The following GTSF1 variants were observed in gnomAD, a reference collection of about 807,000 sequenced individuals.
The protein encoded by GTSF1 is gametocyte specific factor 1.
Under a neutral mutation model 28.9 loss-of-function variants are expected in GTSF1, and 11 were observed. That is an observed-to-expected ratio of 0.38 (90% CI 0.24 to 0.63). The LOEUF is 0.63. GTSF1 is among the 30% of genes least tolerant of loss of function. GTSF1 has a pLI of 0.56. For missense variants in GTSF1, 146 were observed against 201.0 expected, an observed-to-expected ratio of 0.73 and a Z score of 1.66; for synonymous variants, 69 against 65.6, an observed-to-expected ratio of 1.05 and a Z score of -0.25.
intron 5 of GTSF1, among the ~76,000 whole-genome samples, 183 bp from the exon 6 acceptor site, chr12:54,462,355 G>A (rs986679590): frequency 1.3e-5 from 2 of 152,118 alleles, no homozygotes; most frequent in African/African-American, 4.8e-5. Flanking sequence ...ATAAACACAA[G>A]CAACATAAAT....
chr12:54,459,293 G>T, intron 7 of GTSF1, 168 bp from the exon 8 acceptor site: 2 of 1,437,916 alleles, frequency 1.4e-6, no homozygotes, highest in East Asian at 2.6e-5. Context: ...CATGGGAAAA[G>T]AAAATAGACC....
In GTSF1 at chr12:54,471,088, T is replaced by A. The variant is rs59109696; in HGVS notation, c.16+145A>T. On this transcript the variant is annotated intron_variant, in intron 2 of 8. Transcript: ENST00000305879. ...TTTCTTAATTTTCAAGTATCTTATTTCAAATTTGGGCAATACCATAAAGAC... is the reference window on the plus strand; with the variant it reads ...TTTCTTAATTTTCAAGTATCTTATTACAAATTTGGGCAATACCATAAAGAC... 1.6e-3 allele frequency: 776 copies of A among 489,932 alleles called. 11 individuals are homozygous for A. Among genetic ancestry groups the A allele is most frequent in the African/African-American group, 0.014 (682 of 49,956 alleles). 30.3% of individuals were successfully genotyped at this position (489,932 alleles called of 1,614,324 possible).
chr12:54,466,965 A>G (rs1288991106), intron 2 of GTSF1: 1 of 151,948 alleles, frequency 6.6e-6, no homozygotes, highest in Non-Finnish European at 1.5e-5. Flanking sequence ...AAAATCTTTA[A>G]CTGTGATTAA....
intron 6 of GTSF1, among the ~76,000 whole-genome samples, 167 bp downstream of exon 6, chr12:54,461,942 T>C (rs1244482913): frequency 1.3e-5 from 2 of 152,200 alleles, no homozygotes; most frequent in East Asian, 1.9e-4. Flanking sequence ...CATGACCTTT[T>C]TGAATCAAGG....
intron 8 of GTSF1, 146 bp downstream of exon 8, chr12:54,458,943 G>T: frequency 1.9e-6 from 1 of 523,228 alleles, no homozygotes; most frequent in Non-Finnish European, 3.5e-6. Flanking sequence ...AGCCATAACA[G>T]AGGCTATATA....
At chr12:54,462,523 A>G (rs1956439762) in intron 5 of GTSF1, 119 bp downstream of exon 5, 13 of 811,558 alleles carry the variant, frequency 1.6e-5, no homozygotes, top group Non-Finnish European at 2.4e-5. Context: ...GCCCAATAAA[A>G]ATAATAAGGC....
At chr12:54,459,487 A>G in intron 7 of GTSF1, 1 of 1,287,954 alleles carries the variant, frequency 7.8e-7, no homozygotes. Context: ...AGTTTGTATT[A>G]AGTAAAAATG....
intron 1 of GTSF1, chr12:54,472,696 C>A (rs1956607237): frequency 6.6e-6 from 1 of 152,180 alleles, no homozygotes; most frequent in Admixed American, 6.5e-5. Context: ...CCCCTCCCCC[C>A]ATTCTGTGAC....
intron 6 of GTSF1, among the ~76,000 whole-genome samples, chr12:54,461,528 T>C (rs920081025): frequency 4.6e-5 from 7 of 152,160 alleles, no homozygotes; most frequent in Admixed American, 4.6e-4. Context: ...ATCCCTATAG[T>C]TCTTGCTATT....
rs556723775 is a variant in GTSF1 at position 54,456,296 on chromosome 12, C to T, written c.*21-143G>A. 4 of 152,316 alleles carry T rather than the reference C, an allele frequency of 2.6e-5. No individual in the cohort carries two copies. In the South Asian group the frequency reaches 8.3e-4, roughly 32 times the overall value. 9.4% of individuals were successfully genotyped at this position (152,316 alleles called of 1,614,324 possible). A position where few individuals can be genotyped will look rare whatever the true frequency, so the allele number is the denominator to read the frequency against. On this transcript the variant is annotated intron_variant, in intron 8 of 8. Transcript: ENST00000305879. The stretch of plus-strand genomic sequence containing the variant: ...GAATCTGCTGTTGTTGATGGCAGAA[C>T]ACCAAGTACCTTCTGATCTTTAACT...
Position 54,468,701 on chromosome 12 carries a change from A to G in GTSF1, c.16+2532T>C, listed in dbSNP as rs913383680. On this transcript the variant is annotated intron_variant, in intron 2 of 8. Coordinates refer to ENST00000305879, the MANE Select transcript of GTSF1 (RefSeq NM_144594.3). ...AACTAGGCCTGACAAAAGTATCATC[A>G]GCTAAGAGGTACAGTCCAAAGAGAG... The G allele has an allele frequency of 7.2e-5, 11 of 152,336 alleles. No individual in the cohort carries two copies. In the South Asian group the frequency reaches 2.3e-3, roughly 32 times the overall value. The allele number at this position is 152,336 out of a possible 1,614,324, so 9.4% of individuals were successfully genotyped here.
At chr12:54,470,207 T>C (rs185970563) in intron 2 of GTSF1, among the ~76,000 whole-genome samples, 148 of 152,054 alleles carry the variant, frequency 9.7e-4, no homozygotes, top group African/African-American at 3.2e-3. Flanking sequence ...TTAAGAAAAA[T>C]TAAGGGGCAG....
intron 7 of GTSF1, chr12:54,459,567 T>C: frequency 1.5e-6 from 1 of 664,084 alleles, no homozygotes. Context: ...TTAGTACTTG[T>C]TTACCCAGCA....
At position 54,459,102 on chromosome 12, in the gene GTSF1, T is replaced by C; in HGVS notation, c.*7A>G. ...TGAAACACTTACTTGATGAGATAGG[T>C]ATTCAGTTACTGTGCATTTCCATCT... On this transcript the variant is annotated 3_prime_UTR_variant, in exon 8 of 9. Coordinates refer to ENST00000305879, the MANE Select transcript of GTSF1 (RefSeq NM_144594.3). 1 of 1,601,982 alleles carries C rather than the reference T, an allele frequency of 6.2e-7. No individual in the cohort carries two copies. Among genetic ancestry groups the C allele is most frequent in the African/African-American group, 1.3e-5 (1 of 74,750 alleles).
chr12:54,470,017 A>T (rs903694933), intron 2 of GTSF1, among the ~76,000 whole-genome samples: 5 of 152,174 alleles, frequency 3.3e-5, no homozygotes, highest in Non-Finnish European at 5.9e-5. Flanking sequence ...TCTACTAAAA[A>T]TACAAAAATT....
chr12:54,459,384 A>G, intron 7 of GTSF1: 1 of 1,396,790 alleles, frequency 7.2e-7, no homozygotes. Flanking sequence ...AAACGTTTTA[A>G]AGTGAATCCT....
chr12:54,465,131 G>A lies in GTSF1; in HGVS notation c.53C>T (p.Pro18Leu). Residue 18 changes from proline to leucine, a missense_variant, in exon 3 of 9, where the codon CCC becomes CTC. By Grantham distance (98) the Pro-to-Leu change is moderately conservative. Transcript: ENST00000305879. ...SLDPEKLLQC[P>L]YDKNHQIRAC... Reference sequence around the variant, plus strand: ...CCTGATTTGATGGTTTTTGTCATAGGGGCATTGCAATAGCTTCTCAGGGTC... The same window carrying A: ...CCTGATTTGATGGTTTTTGTCATAGAGGCATTGCAATAGCTTCTCAGGGTC... The A allele has an allele frequency of 6.2e-7, 1 of 1,613,466 alleles. No individual in the cohort carries two copies. Among genetic ancestry groups the A allele is most frequent in the Non-Finnish European group, 8.5e-7 (1 of 1,179,566 alleles).
chr12:54,468,645 G>A lies in GTSF1; in HGVS notation c.16+2588C>T, dbSNP rs1956553538. Among the ~76,000 whole-genome samples, 4 of 152,330 alleles carry A rather than the reference G, an allele frequency of 2.6e-5. No individual in the cohort carries two copies. The South Asian group carries it at 8.3e-4, about 32-fold the overall frequency. The stretch of plus-strand genomic sequence containing the variant: ...TTGGGTAGGGACCAGAACCCATGGT[G>A]AGAAATGGAGAAAACTTCATGGAAA... On this transcript the variant is annotated intron_variant, in intron 2 of 8. Transcript: ENST00000305879.
chr12:54,464,277 A>G (rs928421314), intron 3 of GTSF1, among the ~76,000 whole-genome samples: 2 of 152,194 alleles, frequency 1.3e-5, no homozygotes, highest in African/African-American at 4.8e-5. Context: ...TTGTAGTGGT[A>G]TCTGCTGATC....
Sources: gnomAD v4.1 joint callset for allele counts (sites outside exome capture counted in the v4.1 genomes callset) on GRCh38, gnomAD v4.1.1 for gene constraint, MANE v1.5 for transcripts, NCBI Gene and HGNC (gene_info 2026-07-23, HGNC 2026-07-21) for gene names.